The following SLC8A1 variants were observed in gnomAD, a reference collection of about 807,000 sequenced individuals.
The protein encoded by SLC8A1 is sodium/calcium exchanger 1.
Under a neutral mutation model 68.3 loss-of-function variants are expected in SLC8A1, and 18 were observed. The observed-to-expected ratio is 0.26, with a 90% CI of 0.18 to 0.39. SLC8A1 has a LOEUF of 0.39. Ranked by LOEUF, SLC8A1 falls within the 10% of genes least tolerant of loss-of-function variation. The pLI is 1.00. For synonymous variants in SLC8A1, 475 were observed against 415.5 expected, an observed-to-expected ratio of 1.14 and a Z score of -1.74; for missense variants, 985 against 1,156.7, an observed-to-expected ratio of 0.85 and a Z score of 2.15.
At chr2:40,173,742 T>G (rs1419578212) in intron 4 of SLC8A1, among the ~76,000 whole-genome samples, 3 of 147,250 alleles carry the variant, frequency 2.0e-5, no homozygotes, top group Non-Finnish European at 4.5e-5. Context: ...GCACAATATA[T>G]TGGAAAATTT....
chr2:40,136,909 T>C (rs144623435), intron 7 of SLC8A1, among the ~76,000 whole-genome samples: 66 of 152,324 alleles, frequency 4.3e-4, no homozygotes, highest in African/African-American at 1.3e-3. Context: ...ACAGTTAATA[T>C]TGCAGCAAAT....
intron 2 of SLC8A1, among the ~76,000 whole-genome samples, chr2:40,368,953 A>C (rs1004081458): frequency 4.4e-4 from 8 of 18,094 alleles, no homozygotes; most frequent in African/African-American, 8.9e-4. Context: ...TTCCTTACTC[A>C]ATCAATTGTG....
At chr2:40,357,478 C>T (rs909603686) in intron 2 of SLC8A1, among the ~76,000 whole-genome samples, 9 of 121,944 alleles carry the variant, frequency 7.4e-5, no homozygotes, top group African/African-American at 2.5e-4. Context: ...GCCTGGGCAA[C>T]AGAGCCAGAC....
chr2:40,256,080 G>A (rs915781310), intron 2 of SLC8A1, among the ~76,000 whole-genome samples: 3 of 152,182 alleles, frequency 2.0e-5, no homozygotes, highest in Non-Finnish European at 4.4e-5. Flanking sequence ...GATGGGTAAC[G>A]ACAATGAGAC....
chr2:40,185,792 A>AAT (rs2050590695), intron 2 of SLC8A1, among the ~76,000 whole-genome samples: 2 of 152,218 alleles, frequency 1.3e-5, no homozygotes, highest in Non-Finnish European at 2.9e-5. Flanking sequence ...TAAAAAAATA[A>AAT]GCTTTAGGCT....
upstream of SLC8A1, among the ~76,000 whole-genome samples, chr2:40,457,044 G>T (rs904231665): frequency 6.6e-6 from 1 of 152,064 alleles, no homozygotes; most frequent in Non-Finnish European, 1.5e-5. Context: ...TTATGTCTGG[G>T]TATCAATTTG....
upstream of SLC8A1, among the ~76,000 whole-genome samples, chr2:40,452,381 A>G (rs906303322): frequency 1.3e-5 from 2 of 151,940 alleles, no homozygotes; most frequent in Non-Finnish European, 1.5e-5. Context: ...TCTGCCGGCG[A>G]GCAGCTTTTT....
chr2:40,342,399 T>C (rs958560598), intron 2 of SLC8A1, among the ~76,000 whole-genome samples: 9 of 152,190 alleles, frequency 5.9e-5, no homozygotes, highest in African/African-American at 2.2e-4. Flanking sequence ...AAAAACTATA[T>C]TAACAGTGAT....
intron 1 of SLC8A1, among the ~76,000 whole-genome samples, chr2:40,502,910 G>A (rs1706135876): frequency 6.6e-6 from 1 of 151,866 alleles, no homozygotes; most frequent in Non-Finnish European, 1.5e-5. Flanking sequence ...TCTTATTCCT[G>A]ACTATCTCAT....
At position 40,230,794 on chromosome 2, in the gene SLC8A1, G is replaced by A. The variant is rs142399223; in HGVS notation, c.1809-52939C>T. Among the ~76,000 whole-genome samples the A allele has an allele frequency of 2.0e-4, 30 of 152,242 alleles. No homozygotes were observed. The South Asian group carries it at 2.3e-3, about 12-fold the overall frequency. ...TGTACTTTCATAAACAGATTACTAT[G>A]ATGGTTCTGTTCACTCTACATTTAA... On this transcript the variant is annotated intron_variant, in intron 2 of 7. Coordinates refer to ENST00000406785, the Ensembl canonical transcript of SLC8A1.
At chr2:40,256,209 C>T (rs952153397) in intron 2 of SLC8A1, among the ~76,000 whole-genome samples, 1 of 152,160 alleles carries the variant, frequency 6.6e-6, no homozygotes, top group Non-Finnish European at 1.5e-5. Context: ...CCACTCCTAA[C>T]CAAATGACGT....
chr2:40,508,519 C>A (rs989495844), intron 1 of SLC8A1, among the ~76,000 whole-genome samples: 3 of 151,870 alleles, frequency 2.0e-5, no homozygotes, highest in Non-Finnish European at 4.4e-5. Flanking sequence ...TAGTTAAGAA[C>A]CATAATGTCA....
intron 2 of SLC8A1, among the ~76,000 whole-genome samples, chr2:40,298,927 C>T (rs533788353): frequency 6.6e-6 from 1 of 152,160 alleles, no homozygotes; most frequent in South Asian, 2.1e-4. Context: ...TCCTTGCTGA[C>T]CCCACCCCTT....
intron 2 of SLC8A1, among the ~76,000 whole-genome samples, chr2:40,362,508 T>A (rs993935238): frequency 1.3e-5 from 2 of 152,116 alleles, no homozygotes; most frequent in African/African-American, 4.8e-5. Flanking sequence ...GGGTAGCAAA[T>A]TCAAAATATT....
chr2:40,209,516 G>A (rs1330796978), intron 2 of SLC8A1, among the ~76,000 whole-genome samples: 1 of 152,102 alleles, frequency 6.6e-6, no homozygotes, highest in Non-Finnish European at 1.5e-5. Context: ...GGAGCCACTG[G>A]AGGATTTTGA....
At chr2:40,201,492 A>G (rs1368227611) in intron 2 of SLC8A1, among the ~76,000 whole-genome samples, 1 of 151,932 alleles carries the variant, frequency 6.6e-6, no homozygotes, top group African/African-American at 2.4e-5. Flanking sequence ...AACCACAGCA[A>G]AATTATCTCC....
chr2:40,123,472 A>T (rs548197923), intron 7 of SLC8A1, among the ~76,000 whole-genome samples: 1 of 152,138 alleles, frequency 6.6e-6, no homozygotes, highest in East Asian at 1.9e-4. Flanking sequence ...ACATACACAC[A>T]CTCACTTCAC....
chr2:40,497,251 A>G (rs576511794), intron 1 of SLC8A1, among the ~76,000 whole-genome samples: 1 of 152,212 alleles, frequency 6.6e-6, no homozygotes, highest in African/African-American at 2.4e-5. Flanking sequence ...ATTTTCTTCT[A>G]GTTTCTCATC....
At chr2:40,265,159 G>T (rs1044511267) in intron 2 of SLC8A1, among the ~76,000 whole-genome samples, 1 of 152,138 alleles carries the variant, frequency 6.6e-6, no homozygotes, top group African/African-American at 2.4e-5. Flanking sequence ...CTGAATTAAG[G>T]ACAATGTAGA....
Sources: gnomAD v4.1 joint callset for allele counts (sites outside exome capture counted in the v4.1 genomes callset) on GRCh38, gnomAD v4.1.1 for gene constraint, MANE v1.5 for transcripts, NCBI Gene and HGNC (gene_info 2026-07-23, HGNC 2026-07-21) for gene names.